TRMT11: variants seen among roughly 807,000 people sequenced by gnomAD.
The protein encoded by TRMT11 is tRNA (guanine(10)-N(2))-methyltransferase TRMT11.
In TRMT11, 53 loss-of-function variants were observed where a neutral mutation model predicts 62.8. The ratio of observed to expected loss-of-function variants is 0.84; its 90% CI spans 0.68 to 1.06. The LOEUF is 1.06. TRMT11 is among the 50% of genes least tolerant of loss of function. The probability of loss-of-function intolerance (pLI) is 0.00; values close to 1 mark genes in which losing one functional copy is unlikely to be tolerated. For synonymous variants in TRMT11, 188 were observed against 190.3 expected (o/e 0.99, Z 0.10); for missense variants, 556 against 553.4 (o/e 1.00, Z -0.05).
chr6:126,145,612 G>T (rs979341533), intron 21 of TRMT11, among the ~76,000 whole-genome samples: 5 of 152,158 alleles, frequency 3.3e-5, no homozygotes, highest in Admixed American at 1.3e-4. Flanking sequence ...GAGAAGGTGG[G>T]AGAGGGGGAG....
chr6:126,195,987 G>T (rs1203769041), intron 1 of TRMT11, among the ~76,000 whole-genome samples: 1 of 152,176 alleles, frequency 6.6e-6, no homozygotes, highest in East Asian at 1.9e-4. Flanking sequence ...ACTAAGAATG[G>T]CAAATCAGGA....
At chr6:126,032,772 T>G (rs1191728654) in intron 12 of TRMT11, among the ~76,000 whole-genome samples, 3 of 152,196 alleles carry the variant, frequency 2.0e-5, no homozygotes, top group Non-Finnish European at 4.4e-5. Flanking sequence ...TTGACTCTTT[T>G]GCTCACAATG....
chr6:126,185,522 T>C (rs1778516906), intron 1 of TRMT11, among the ~76,000 whole-genome samples: 1 of 152,216 alleles, frequency 6.6e-6, no homozygotes. Flanking sequence ...GATATGCTTT[T>C]CTAATTTTTA....
At chr6:126,239,916 C>CT in the TRMT11 span, among the ~76,000 whole-genome samples, 2 of 151,886 alleles carry the variant, frequency 1.3e-5, no homozygotes, top group African/African-American at 4.8e-5. Flanking sequence ...TCTTTTTATG[C>CT]TTTTTTTTCT....
chr6:126,258,218 G>A, the TRMT11 span: 4 of 657,062 alleles, frequency 6.1e-6, no homozygotes, highest in Non-Finnish European at 1.2e-5. Flanking sequence ...GCGCCTCACT[G>A]GGCCCTTATC....
At chr6:126,124,283 T>C (rs1339822856) in intron 21 of TRMT11, among the ~76,000 whole-genome samples, 1 of 152,106 alleles carries the variant, frequency 6.6e-6, no homozygotes, top group Non-Finnish European at 1.5e-5. Flanking sequence ...GAGAGGAATT[T>C]TATTCTATCT....
chr6:126,062,301 CA>C (rs1776557538), intron 17 of TRMT11, among the ~76,000 whole-genome samples: 1 of 152,186 alleles, frequency 6.6e-6, no homozygotes, highest in Non-Finnish European at 1.5e-5. Flanking sequence ...GGAAAAATAC[CA>C]ATTTTGTTCT....
At chr6:126,080,303 G>T (rs577577198) in intron 17 of TRMT11, among the ~76,000 whole-genome samples, 2 of 152,030 alleles carry the variant, frequency 1.3e-5, no homozygotes, top group Admixed American at 1.3e-4. Flanking sequence ...TAGAGAAAGG[G>T]TCTCACTGTG....
chr6:126,079,548 T>C (rs1158044026), intron 17 of TRMT11, among the ~76,000 whole-genome samples: 2 of 152,160 alleles, frequency 1.3e-5, no homozygotes, highest in Non-Finnish European at 2.9e-5. Flanking sequence ...TTATTTCTTG[T>C]TATTTTGTTT....
At chr6:126,151,943 C>T (rs868578511) in intron 21 of TRMT11, among the ~76,000 whole-genome samples, 1 of 33,898 alleles carries the variant, frequency 3.0e-5, no homozygotes. Context: ...TTCTTTCTTT[C>T]TTTTCTTTCT....
intron 17 of TRMT11, among the ~76,000 whole-genome samples, chr6:126,094,706 T>A (rs747977314): frequency 2.0e-4 from 31 of 152,220 alleles, no homozygotes; most frequent in African/African-American, 7.5e-4. Flanking sequence ...TTTTTGTAGC[T>A]CTTAATTACT....
intron 21 of TRMT11, among the ~76,000 whole-genome samples, chr6:126,152,124 G>T (rs888731345): frequency 6.7e-6 from 1 of 149,930 alleles, no homozygotes; most frequent in East Asian, 1.9e-4. Flanking sequence ...CTTTTTTGGG[G>T]ATTGGGTAAG....
intron 12 of TRMT11, among the ~76,000 whole-genome samples, chr6:126,028,873 C>G (rs562595561): frequency 6.6e-6 from 1 of 152,044 alleles, no homozygotes; most frequent in African/African-American, 2.4e-5. Context: ...TCTCTGAAGC[C>G]TGAGAGAACA....
At chr6:126,268,618 T>C in the TRMT11 span, among the ~76,000 whole-genome samples, 1 of 152,202 alleles carries the variant, frequency 6.6e-6, no homozygotes, top group East Asian at 1.9e-4. Context: ...AGCCTCTTTC[T>C]TTCTCAGCTG....
the TRMT11 span, among the ~76,000 whole-genome samples, chr6:126,225,685 A>ATTTTTTTT: frequency 1.7e-4 from 16 of 95,302 alleles, no homozygotes; most frequent in African/African-American, 4.2e-4. Context: ...TATGTTTACT[A>ATTTTTTTT]TTTTTTTTTT....
chr6:126,011,120 A>G (rs1015931118), intron 8 of TRMT11, 133 bp from the exon 9 acceptor site: 2 of 676,076 alleles, frequency 3.0e-6, no homozygotes, highest in African/African-American at 3.6e-5. Context: ...TATACATAAA[A>G]TTAAGATTTT....
Position 126,021,261 on chromosome 6 carries a change from A to C in TRMT11, c.1241A>C (p.Glu414Ala), listed in dbSNP as rs748684612. 1 of 1,613,782 alleles carries C rather than the reference A, an allele frequency of 6.2e-7. No homozygotes were observed. The highest frequency in any genetic ancestry group is 1.1e-5 in the South Asian group (1 of 91,044). Residue 414 changes from glutamate (E) to alanine (A), a missense_variant, in exon 12 of 13, where the codon GAA becomes GCA. Coordinates refer to ENST00000334379, the MANE Select transcript of TRMT11 (RefSeq NM_001031712.3). ...ACATCAAGGCGCTTGATCACAATGG[A>C]AAAGGTGAAGAAATTTGAGGTAAAT... The part of the protein sequence containing the change: ...SHTSRRLITM[E>A]KVKKFENRDQ...
the TRMT11 span, among the ~76,000 whole-genome samples, chr6:126,229,644 T>C: frequency 6.6e-6 from 1 of 152,214 alleles, no homozygotes; most frequent in Non-Finnish European, 1.5e-5. Context: ...TCTAAGTTTC[T>C]ATTTTTTAAA....
At chr6:126,256,853 GT>G in the TRMT11 span, among the ~76,000 whole-genome samples, 1 of 151,828 alleles carries the variant, frequency 6.6e-6, no homozygotes, top group East Asian at 1.9e-4. Context: ...GGTAGCCTGT[GT>G]TTTTTTGTTT....
Sources: gnomAD v4.1 joint callset for allele counts (sites outside exome capture counted in the v4.1 genomes callset) on GRCh38, gnomAD v4.1.1 for gene constraint, MANE v1.5 for transcripts, NCBI Gene and HGNC (gene_info 2026-07-23, HGNC 2026-07-21) for gene names.